Variants in ADRA1A observed in about 807,000 individuals in gnomAD.
ADRA1A encodes adrenoceptor alpha 1A.
In ADRA1A, 31 loss-of-function variants were observed where a neutral mutation model predicts 29.6. The observed-to-expected ratio is 1.05, with a 90% confidence interval of 0.79 to 1.41. The LOEUF (loss-of-function observed/expected upper bound fraction) is 1.41, where lower values mean the gene tolerates loss of function less well. Ranked by LOEUF, ADRA1A falls within the 40% of genes most tolerant of loss-of-function variation. The probability of loss-of-function intolerance (pLI) is 0.00; values close to 1 mark genes in which losing one functional copy is unlikely to be tolerated. For synonymous variants in ADRA1A, 311 were observed against 254.3 expected, an observed-to-expected ratio of 1.22 and a Z score of -2.12; for missense variants, 619 against 601.1, an observed-to-expected ratio of 1.03 and a Z score of -0.31.
chr8:26,765,340 T>G (rs986636389), downstream of ADRA1A, among the ~76,000 whole-genome samples: 2 of 152,232 alleles, frequency 1.3e-5, no homozygotes. Flanking sequence ...TGTCCTCCAC[T>G]GAAATTCTAA....
intron 2 of ADRA1A, among the ~76,000 whole-genome samples, chr8:26,856,131 G>A (rs1452834292): frequency 6.6e-6 from 1 of 152,194 alleles, no homozygotes; most frequent in Non-Finnish European, 1.5e-5. Context: ...TGTGGAAAGA[G>A]CCAAAATTAA....
intron 2 of ADRA1A, among the ~76,000 whole-genome samples, chr8:26,857,926 G>C: frequency 6.6e-6 from 1 of 152,050 alleles, no homozygotes; most frequent in Non-Finnish European, 1.5e-5. Flanking sequence ...TGCTCCATTA[G>C]GGCAGGGATT....
At chr8:26,803,560 T>C (rs754561763) in intron 2 of ADRA1A, among the ~76,000 whole-genome samples, 3 of 152,092 alleles carry the variant, frequency 2.0e-5, no homozygotes, top group Non-Finnish European at 4.4e-5. Flanking sequence ...AAGTGATAAA[T>C]GTAAAAGTAG....
chr8:26,779,224 T>G, intron 2 of ADRA1A: 1 of 683,768 alleles, frequency 1.5e-6, no homozygotes, highest in South Asian at 1.6e-5. Flanking sequence ...TAACAGTTCC[T>G]GCCAGAAGAA....
chr8:26,771,625 C>T (rs537363204), intron 2 of ADRA1A, among the ~76,000 whole-genome samples: 12 of 152,344 alleles, frequency 7.9e-5, no homozygotes, highest in Admixed American at 7.8e-4. Flanking sequence ...GGATTATCTC[C>T]TCCAATTACT....
At chr8:26,811,546 C>T (rs1809398351) in intron 2 of ADRA1A, among the ~76,000 whole-genome samples, 2 of 152,220 alleles carry the variant, frequency 1.3e-5, no homozygotes, top group South Asian at 4.1e-4. Context: ...CTCTCCTTGT[C>T]ACTGCCACTA....
chr8:26,809,593 G>T (rs1809243636), intron 2 of ADRA1A, among the ~76,000 whole-genome samples: 1 of 152,214 alleles, frequency 6.6e-6, no homozygotes. Flanking sequence ...GATGGAATTA[G>T]TAATCATTTA....
chr8:26,800,556 G>A (rs971687424), intron 2 of ADRA1A, among the ~76,000 whole-genome samples: 4 of 151,974 alleles, frequency 2.6e-5, no homozygotes, highest in African/African-American at 4.8e-5. Flanking sequence ...GAATCAATAA[G>A]CAATCAAAAA....
chr8:26,763,064 A>AGAG (rs536711556), downstream of ADRA1A, among the ~76,000 whole-genome samples: 1 of 152,022 alleles, frequency 6.6e-6, no homozygotes, highest in East Asian at 1.9e-4. The surrounding 1 kb of genome is among the most constrained non-coding windows in gnomAD (Gnocchi z 4.5). Context: ...AGGAAGAAGT[A>AGAG]GAGGAGGAGG....
intron 2 of ADRA1A, among the ~76,000 whole-genome samples, chr8:26,826,911 G>A (rs1810613281): frequency 6.6e-6 from 1 of 152,212 alleles, no homozygotes; most frequent in South Asian, 2.1e-4. Flanking sequence ...AATTACTATA[G>A]CATTCTTCAT....
In ADRA1A at chr8:26,821,548, T is replaced by C. The variant is rs62492235; in HGVS notation, c.883+42539A>G. ...CTCCCACCAGGCCCCACCTCCAACA[T>C]TGGGAATCACATTTCAACACGAGAT... On this transcript the variant is annotated intron_variant, in intron 2 of 2. Coordinates refer to ENST00000380573, the MANE Select transcript of ADRA1A (RefSeq NM_000680.4). The surrounding 1 kb of genome is among the most constrained non-coding windows in gnomAD (Gnocchi z 5.6). Among the ~76,000 whole-genome samples, 8,362 of 152,152 alleles carry C rather than the reference T, an allele frequency of 0.055. 223 individuals are homozygous for C. The highest frequency in any genetic ancestry group is 0.092 in the Middle Eastern group (27 of 294).
chr8:26,851,246 G>A (rs1485830574), intron 2 of ADRA1A, among the ~76,000 whole-genome samples: 1 of 152,150 alleles, frequency 6.6e-6, no homozygotes, highest in Non-Finnish European at 1.5e-5. Flanking sequence ...CCTTCCATGG[G>A]CAAAGGTGGG....
chr8:26,779,719 T>C (rs375070425), intron 2 of ADRA1A, among the ~76,000 whole-genome samples: 5 of 152,262 alleles, frequency 3.3e-5, no homozygotes, highest in African/African-American at 1.2e-4. Flanking sequence ...CAAAGGCTGC[T>C]GTCATGCAGT....
chr8:26,757,206 A>G (rs1360410158), intron 2 of ADRA1A: 5 of 698,424 alleles, frequency 7.2e-6, no homozygotes, highest in Non-Finnish European at 1.3e-5. Context: ...TCCTCTCTTT[A>G]AAACAAGTTT....
chr8:26,859,554 T>C (rs180798419), intron 2 of ADRA1A, among the ~76,000 whole-genome samples: 9 of 152,334 alleles, frequency 5.9e-5, no homozygotes, highest in African/African-American at 1.4e-4. Flanking sequence ...TTGAGGGCAC[T>C]GTGTTTTATT....
Position 26,866,163 on chromosome 8 carries a change from C to T in ADRA1A, c.-686-508G>A, listed in dbSNP as rs961420252. Among the ~76,000 whole-genome samples, 2 of 152,136 alleles carry T rather than the reference C, an allele frequency of 1.3e-5. No individual in the cohort carries two copies. Among genetic ancestry groups the T allele is most frequent in the African/African-American group, 4.8e-5 (2 of 41,404 alleles). ...CCTCAGGGCCAGGACCACGAGCACG[C>T]TCACTCTCACGCCGGTGGAATTCGC... is the stretch of plus-strand genomic sequence containing the variant. On this transcript the variant is annotated intron_variant, in intron 1 of 2. Coordinates refer to ENST00000380573, the MANE Select transcript of ADRA1A (RefSeq NM_000680.4). This position sits in a 1 kb window ranked among gnomAD's most constrained non-coding sequence, Gnocchi z 5.7.
At chr8:26,767,178 T>C (rs1021371935), downstream of ADRA1A, among the ~76,000 whole-genome samples, 2 of 152,226 alleles carry the variant, frequency 1.3e-5, no homozygotes, top group Non-Finnish European at 2.9e-5. Context: ...TATCCCATAA[T>C]GTCACGTTGA....
At position 26,864,141 on chromosome 8, in the gene ADRA1A, C is replaced by T; in HGVS notation, c.829G>A (p.Val277Met). 6.2e-7 allele frequency: 1 copy of T among 1,614,152 alleles called. No individual in the cohort carries two copies. ...CAGCAGAGGACGAAGCAGCCGACCA[C>T]GATGCCCAGCGTTTTGGCCGCTTTC... ...EKKAAKTLGI[V>M]VGCFVLCWLP... is the part of the protein sequence containing the mutation. Residue 277 changes from valine (V) to methionine (M), a missense_variant, in exon 2 of 3, where the codon GTG (valine) becomes ATG (methionine). Coordinates refer to ENST00000380573, the MANE Select transcript of ADRA1A (RefSeq NM_000680.4). The surrounding 1 kb of genome is among the most constrained non-coding windows in gnomAD (Gnocchi z 8.1).
At chr8:26,778,209 C>A (rs1806689336) in intron 2 of ADRA1A, among the ~76,000 whole-genome samples, 1 of 152,168 alleles carries the variant, frequency 6.6e-6, no homozygotes, top group African/African-American at 2.4e-5. Context: ...TGATTTGGAC[C>A]CCAACGCCCA....
Sources: gnomAD v4.1 joint callset for allele counts (sites outside exome capture counted in the v4.1 genomes callset) on GRCh38, gnomAD v4.1.1 for gene constraint, Gnocchi (gnomAD v3.1) non-coding constraint, MANE v1.5 for transcripts, NCBI Gene and HGNC (gene_info 2026-07-23, HGNC 2026-07-21) for gene names.